UST: variants seen among roughly 807,000 people sequenced by gnomAD.
UST encodes the protein uronyl 2-sulfotransferase, also known as chondroitin sulfate 2-O-sulfotransferase.
In UST, 21 loss-of-function variants were observed where a neutral mutation model predicts 45.6. The ratio of observed to expected loss-of-function variants is 0.46; its 90% confidence interval spans 0.33 to 0.66. The LOEUF (loss-of-function observed/expected upper bound fraction) is 0.66. Among genes scored for constraint, UST ranks in the 30% least tolerant of loss-of-function variants. The pLI, the probability that UST is intolerant of heterozygous loss-of-function variation, is 0.02. For missense variants in UST, 463 were observed against 512.4 expected, an observed-to-expected ratio of 0.90 and a Z score of 0.93; for synonymous variants, 215 against 200.6, an observed-to-expected ratio of 1.07 and a Z score of -0.61.
chr6:148,998,012 G>A (rs908200540), intron 5 of UST, among the ~76,000 whole-genome samples: 1 of 152,176 alleles, frequency 6.6e-6, no homozygotes, highest in Non-Finnish European at 1.5e-5. Context: ...TTTGTGGTTT[G>A]TTTTGCGTTC....
intron 2 of UST, among the ~76,000 whole-genome samples, chr6:148,919,179 C>T (rs1364998406): frequency 6.6e-6 from 1 of 152,152 alleles, no homozygotes; most frequent in Non-Finnish European, 1.5e-5. Flanking sequence ...CTCCAGATAC[C>T]TCTACCATGG....
intron 2 of UST, among the ~76,000 whole-genome samples, chr6:148,915,451 A>G (rs542637750): frequency 2.0e-5 from 3 of 152,278 alleles, no homozygotes; most frequent in South Asian, 4.2e-4. Flanking sequence ...TAGGAAAAAA[A>G]AGCCCTACCT....
At chr6:148,846,833 G>A (rs1778001514) in intron 1 of UST, among the ~76,000 whole-genome samples, 1 of 152,216 alleles carries the variant, frequency 6.6e-6, no homozygotes, top group Admixed American at 6.5e-5. Context: ...TGTGCCATGG[G>A]GCATGCAGGT....
intron 7 of UST, among the ~76,000 whole-genome samples, chr6:149,070,230 C>T (rs1485340841): frequency 1.3e-5 from 2 of 152,186 alleles, no homozygotes; most frequent in African/African-American, 4.8e-5. Context: ...CAATGTTTGA[C>T]TTAAAACTCT....
chr6:148,946,527 A>AAAAAAAAAAAAC (rs1780241160), intron 3 of UST, among the ~76,000 whole-genome samples: 1 of 139,170 alleles, frequency 7.2e-6, no homozygotes, highest in Non-Finnish European at 1.6e-5. Context: ...AAAAAAAAAA[A>AAAAAAAAAAAAC]AAGGCCGGGT....
intron 1 of UST, among the ~76,000 whole-genome samples, chr6:148,788,187 T>C (rs1032813182): frequency 1.1e-4 from 16 of 152,142 alleles, no homozygotes; most frequent in African/African-American, 3.6e-4. Context: ...GTGAGACTTA[T>C]TTACTACCAC....
At chr6:148,955,427 G>A (rs1373185023) in intron 4 of UST, among the ~76,000 whole-genome samples, 1 of 152,274 alleles carries the variant, frequency 6.6e-6, no homozygotes, top group Non-Finnish European at 1.5e-5. Flanking sequence ...AAAAGCAAGT[G>A]TTCCCTGAAG....
At chr6:148,855,306 C>T (rs986093283) in intron 1 of UST, among the ~76,000 whole-genome samples, 1 of 152,160 alleles carries the variant, frequency 6.6e-6, no homozygotes, top group African/African-American at 2.4e-5. Context: ...CTTGCCTCGC[C>T]GGGGATTTGT....
intron 1 of UST, among the ~76,000 whole-genome samples, chr6:148,880,708 A>T (rs1582874663): frequency 6.6e-6 from 1 of 152,156 alleles, no homozygotes; most frequent in Non-Finnish European, 1.5e-5. Flanking sequence ...AAAATCTGAG[A>T]TCACTTGCCT....
At chr6:148,984,167 C>T (rs907454586) in intron 5 of UST, among the ~76,000 whole-genome samples, 2 of 152,226 alleles carry the variant, frequency 1.3e-5, no homozygotes, top group African/African-American at 2.4e-5. Context: ...TTCCTTTCAA[C>T]AAATGCACAG....
At chr6:148,842,577 C>T (rs1329658496) in intron 1 of UST, among the ~76,000 whole-genome samples, 1 of 152,114 alleles carries the variant, frequency 6.6e-6, no homozygotes, top group African/African-American at 2.4e-5. Context: ...AGTACAGAGC[C>T]CGAAGGAAGG....
At chr6:148,871,202 C>A (rs184162187) in intron 1 of UST, among the ~76,000 whole-genome samples, 90 of 151,442 alleles carry the variant, frequency 5.9e-4, no homozygotes, top group Non-Finnish European at 1.1e-3. Context: ...CTCTTTCTGT[C>A]ATGTGAGGAC....
intron 1 of UST, among the ~76,000 whole-genome samples, chr6:148,882,409 C>A (rs1465372551): frequency 6.8e-6 from 1 of 146,702 alleles, no homozygotes; most frequent in East Asian, 2.1e-4. Context: ...TTGCTTGAAC[C>A]TGGAAGGCAG....
At chr6:148,848,327 G>GT (rs1037386688) in intron 1 of UST, among the ~76,000 whole-genome samples, 14 of 152,166 alleles carry the variant, frequency 9.2e-5, no homozygotes, top group African/African-American at 2.9e-4. Flanking sequence ...AAAATTCAAT[G>GT]TTTTTTCCCG....
At chr6:148,789,455 A>T (rs7760602) in intron 1 of UST, among the ~76,000 whole-genome samples, 5,857 of 98,876 alleles carry the variant, frequency 0.059, 155 homozygotes, top group African/African-American at 0.14. Flanking sequence ...TCTCTCTCTC[A>T]CACACACACA....
chr6:148,889,114 G>A (rs1778965288), intron 2 of UST, among the ~76,000 whole-genome samples: 1 of 152,222 alleles, frequency 6.6e-6, no homozygotes, highest in South Asian at 2.1e-4. Flanking sequence ...TTAAAACACA[G>A]ATTGCTGGGC....
intron 2 of UST, among the ~76,000 whole-genome samples, chr6:148,887,799 A>C (rs1406510284): frequency 6.6e-6 from 1 of 152,136 alleles, no homozygotes; most frequent in Admixed American, 6.6e-5. Context: ...CAAAATAAGA[A>C]GTTGGCAACC....
At position 148,829,678 on chromosome 6, in the gene UST, C is replaced by T. The variant is rs1200156667; in HGVS notation, c.248-57308C>T. On this transcript the variant is annotated intron_variant, in intron 1 of 7. Transcript: ENST00000367463. ...CGAGTGTTCTCCTTATTTTTACCCT[C>T]GGTTTGTTTGGAATGGTTGGGGGTT... Among the ~76,000 whole-genome samples, 4 of 152,102 alleles carry T rather than the reference C, an allele frequency of 2.6e-5. No individual in the cohort carries two copies. The South Asian group carries it at 8.3e-4, about 32-fold the overall frequency.
At chr6:148,867,404 TAA>T (rs1481826016) in intron 1 of UST, among the ~76,000 whole-genome samples, 1 of 152,152 alleles carries the variant, frequency 6.6e-6, no homozygotes, top group Non-Finnish European at 1.5e-5. Context: ...CGACTCTTTA[TAA>T]AGAGTCATAC....
Sources: allele counts gnomAD v4.1 joint callset (sites outside exome capture counted in the v4.1 genomes callset), GRCh38; gene constraint gnomAD v4.1.1; transcripts MANE v1.5; gene names NCBI Gene and HGNC (gene_info 2026-07-23, HGNC 2026-07-21).